The following ARGFX variants were observed in gnomAD, a reference collection of about 807,000 sequenced individuals.
ARGFX encodes the protein arginine-fifty homeobox.
Under a neutral mutation model 8.0 loss-of-function variants are expected in ARGFX, and 10 were observed. That is an observed-to-expected ratio of 1.25 (90% CI 0.77 to 2.12). ARGFX has a LOEUF of 2.12. Among genes scored for constraint, ARGFX ranks in the 30% most tolerant of loss-of-function variants. The probability of loss-of-function intolerance (pLI) is 0.00; values close to 1 mark genes in which losing one functional copy is unlikely to be tolerated. For missense variants in ARGFX, 282 were observed against 324.3 expected, an observed-to-expected ratio of 0.87 and a Z score of 1.00; for synonymous variants, 116 against 117.8, an observed-to-expected ratio of 0.98 and a Z score of 0.10.
chr3:121,572,968 C>T (rs756760239), intron 2 of ARGFX, among the ~76,000 whole-genome samples: 23 of 152,138 alleles, frequency 1.5e-4, no homozygotes, highest in Non-Finnish European at 3.1e-4. Context: ...ATGCTGGATC[C>T]TTACCTTACC....
intron 2 of ARGFX, among the ~76,000 whole-genome samples, chr3:121,575,148 C>G (rs1003899977): frequency 6.6e-6 from 1 of 152,018 alleles, no homozygotes; most frequent in Non-Finnish European, 1.5e-5. Flanking sequence ...TGAGACCCCC[C>G]ATCTCTACTA....
chr3:121,585,159 T>A, intron 4 of ARGFX, 94 bp downstream of exon 4: 1 of 1,361,178 alleles, frequency 7.3e-7, no homozygotes, highest in Non-Finnish European at 1.0e-6. Context: ...TGCCCCACAA[T>A]AATATTTCAT....
chr3:121,581,874 A>G (rs1308579383), intron 3 of ARGFX, among the ~76,000 whole-genome samples: 1 of 152,070 alleles, frequency 6.6e-6, no homozygotes, highest in Non-Finnish European at 1.5e-5. Context: ...CTGCACTGCA[A>G]TCCAGCCTGG....
At position 121,586,663 on chromosome 3, in the gene ARGFX, G is replaced by GT. The variant is rs1194121510; in HGVS notation, c.*70dup. 9 of 1,350,218 alleles carry GT rather than the reference G, an allele frequency of 6.7e-6. No individual in the cohort carries two copies. The highest frequency in any genetic ancestry group is 5.9e-5 in the African/African-American group (4 of 68,306). The allele number at this position is 1,350,218 out of a possible 1,614,324, so 83.6% of individuals were successfully genotyped here. A position where few individuals can be genotyped will look rare whatever the true frequency, so the allele number is the denominator to read the frequency against. On this transcript the variant is annotated 3_prime_UTR_variant, in exon 5 of 5. Transcript: ENST00000334384. ...GTCTTCTTGCCTCTTGTACATGACT[G>GT]TTTTTTTCCTTTGTCTCATTTTAAC... is the stretch of plus-strand genomic sequence containing the variant.
intron 3 of ARGFX, among the ~76,000 whole-genome samples, chr3:121,577,259 A>ATATATATATATATATATT (rs1403064031): frequency 3.4e-5 from 2 of 59,624 alleles, no homozygotes; most frequent in Non-Finnish European, 6.2e-5. Context: ...ATATATATAT[A>ATATATATATATATATATT]TTTTTTTTTT....
At chr3:121,571,878 G>C (rs2048710774) in intron 2 of ARGFX, among the ~76,000 whole-genome samples, 1 of 151,062 alleles carries the variant, frequency 6.6e-6, no homozygotes, top group Non-Finnish European at 1.5e-5. Context: ...GCCCAGGCTG[G>C]AGTGCAATGG....
At chr3:121,569,859 T>C (rs953979245) in intron 1 of ARGFX, among the ~76,000 whole-genome samples, 1 of 152,206 alleles carries the variant, frequency 6.6e-6, no homozygotes, top group Non-Finnish European at 1.5e-5. Flanking sequence ...ACATTTGTTA[T>C]AGAATAAGAG....
chr3:121,589,357 A>G lies in ARGFX; in HGVS notation c.*2757A>G, dbSNP rs2048832602. On this transcript the variant is annotated 3_prime_UTR_variant, in exon 5 of 5. Transcript: ENST00000334384. ...GCTTTACATAGGAAGGAAGTGGCAT[A>G]GTTTTATCAATATCTGTCAAATTAA... 6.6e-6 allele frequency among the ~76,000 whole-genome samples: 1 copy of G among 152,176 alleles called. No homozygotes were observed. The highest frequency in any genetic ancestry group is 2.4e-5 in the African/African-American group (1 of 41,440).
intron 1 of ARGFX, among the ~76,000 whole-genome samples, chr3:121,568,720 G>A (rs750198188): frequency 2.6e-5 from 4 of 152,154 alleles, no homozygotes; most frequent in Admixed American, 6.5e-5. Context: ...TGTGTTTGTC[G>A]AGGATCACAT....
Position 121,570,835 on chromosome 3 carries a change from T to C in ARGFX, c.103+19T>C. ...AGTCCCAGTGAGTATCATCCTTCTT[T>C]GTCCTCTTTCCTTTTCTACTGCCCC... On this transcript the variant is annotated intron_variant, in intron 2 of 4. Coordinates refer to ENST00000334384, the MANE Select transcript of ARGFX (RefSeq NM_001012659.2). The C allele has an allele frequency of 6.5e-7, 1 of 1,536,712 alleles. No individual in the cohort carries two copies. Among genetic ancestry groups the C allele is most frequent in the South Asian group, 1.2e-5 (1 of 80,346 alleles).
intron 3 of ARGFX, among the ~76,000 whole-genome samples, chr3:121,579,262 C>T (rs1025922728): frequency 6.6e-6 from 1 of 152,168 alleles, no homozygotes; most frequent in Admixed American, 6.5e-5. Flanking sequence ...TAACTTAGGT[C>T]TGCATTTATA....
intron 2 of ARGFX, among the ~76,000 whole-genome samples, chr3:121,571,730 A>ATTTTTTTTTTTTTTTT (rs1173636701): frequency 1.9e-5 from 2 of 107,102 alleles, no homozygotes; most frequent in Non-Finnish European, 3.6e-5. Flanking sequence ...TGCCCGGCAA[A>ATTTTTTTTTTTTTTTT]TTTTTTTTTT....
At chr3:121,577,772 T>C (rs2048752567) in intron 3 of ARGFX, among the ~76,000 whole-genome samples, 1 of 152,066 alleles carries the variant, frequency 6.6e-6, no homozygotes. Flanking sequence ...TTACAAACCC[T>C]ATTATAAAGT....
rs867360115 is a variant in ARGFX, at chr3:121,588,689, C to A, written c.*2089C>A. 1.3e-5 allele frequency among the ~76,000 whole-genome samples: 2 copies of A among 151,074 alleles called. No individual in the cohort carries two copies. Among genetic ancestry groups the A allele is most frequent in the African/African-American group, 2.4e-5 (1 of 41,094 alleles). On this transcript the variant is annotated 3_prime_UTR_variant, in exon 5 of 5. Coordinates refer to ENST00000334384, the MANE Select transcript of ARGFX (RefSeq NM_001012659.2). ...ATCCCAGCACGTTGGGAGGCCAAGG[C>A]GGGCAGATCACGAGGTCAAGAGATC...
chr3:121,573,128 A>T (rs2048718114), intron 2 of ARGFX, among the ~76,000 whole-genome samples: 1 of 152,206 alleles, frequency 6.6e-6, no homozygotes, highest in Non-Finnish European at 1.5e-5. Flanking sequence ...CAAAATAAAA[A>T]TAGATAAATT....
At chr3:121,577,259 A>ATATATATATATATTTTTTTT (rs1403064031) in intron 3 of ARGFX, among the ~76,000 whole-genome samples, 3 of 59,644 alleles carry the variant, frequency 5.0e-5, no homozygotes, top group African/African-American at 1.9e-4. Context: ...ATATATATAT[A>ATATATATATATATTTTTTTT]TTTTTTTTTT....
intron 2 of ARGFX, 57 bp from the exon 3 acceptor site, chr3:121,576,707 TTTTCTTTCTTTCTTTCTTTC>T (rs200520122): frequency 1.1e-4 from 28 of 249,134 alleles, no homozygotes; most frequent in Non-Finnish European, 9.5e-5. Context: ...CTTTCTTTCT[TTTTCTTTCTTTCTTTCTTTC>T]TTTCTTTCTT....
At chr3:121,571,480 G>T (rs1196091437) in intron 2 of ARGFX, among the ~76,000 whole-genome samples, 27 of 151,736 alleles carry the variant, frequency 1.8e-4, no homozygotes, top group Non-Finnish European at 5.9e-5. Flanking sequence ...CTTGTCCATT[G>T]AAAACTATAA....
chr3:121,575,061 T>C (rs764443452), intron 2 of ARGFX, among the ~76,000 whole-genome samples: 1 of 152,194 alleles, frequency 6.6e-6, no homozygotes, highest in Non-Finnish European at 1.5e-5. Flanking sequence ...AGCTCACGCC[T>C]GTAATCTCGG....
Sources: allele counts gnomAD v4.1 joint callset (sites outside exome capture counted in the v4.1 genomes callset), GRCh38; gene constraint gnomAD v4.1.1; transcripts MANE v1.5; gene names NCBI Gene and HGNC (gene_info 2026-07-23, HGNC 2026-07-21).